Variants in DCAF6 observed in about 807,000 individuals in gnomAD.
DCAF6 encodes DDB1- and CUL4-associated factor 6.
Under a neutral mutation model 125.1 loss-of-function variants are expected in DCAF6, and 54 were observed. The ratio of observed to expected loss-of-function variants is 0.43; its 90% CI spans 0.35 to 0.54. The LOEUF (loss-of-function observed/expected upper bound fraction) is 0.54. DCAF6 is among the 20% of genes least tolerant of loss of function. DCAF6 has a pLI of 0.01. For missense variants in DCAF6, 934 were observed against 1,161.7 expected (o/e 0.80, Z 2.85); for synonymous variants, 371 against 390.4 (o/e 0.95, Z 0.58).
the DCAF6 span, among the ~76,000 whole-genome samples, chr1:167,863,900 C>T: frequency 1.3e-5 from 2 of 152,224 alleles, no homozygotes; most frequent in East Asian, 1.9e-4. Context: ...TGATCACCCA[C>T]GGCGTGCCTT....
chr1:167,918,498 G>C, the DCAF6 span: 2 of 484,210 alleles, frequency 4.1e-6, no homozygotes, highest in Non-Finnish European at 7.1e-6. Flanking sequence ...TCTTCCCGGA[G>C]GGCTTACAGG....
intron 2 of DCAF6, among the ~76,000 whole-genome samples, chr1:167,964,021 C>T (rs779883136): frequency 2.0e-5 from 3 of 152,144 alleles, no homozygotes; most frequent in Non-Finnish European, 4.4e-5. Context: ...TAGATATAAG[C>T]ATAGATGATC....
chr1:168,071,328 G>A (rs547923843), intron 21 of DCAF6, among the ~76,000 whole-genome samples: 59 of 152,330 alleles, frequency 3.9e-4, no homozygotes, highest in Non-Finnish European at 7.2e-4. Flanking sequence ...ACAGAGCCAG[G>A]TACAGTGGCT....
chr1:167,944,654 A>AT (rs1378520688), intron 1 of DCAF6, among the ~76,000 whole-genome samples: 2 of 150,806 alleles, frequency 1.3e-5, no homozygotes, highest in Non-Finnish European at 2.9e-5. Context: ...GGATTGTTAG[A>AT]TTTTTTTGGT....
intron 3 of DCAF6, among the ~76,000 whole-genome samples, 182 bp from the exon 4 acceptor site, chr1:167,974,648 G>C (rs1463296794): frequency 6.6e-6 from 1 of 151,890 alleles, no homozygotes; most frequent in African/African-American, 2.4e-5. Context: ...CATCTCACAG[G>C]GAACAAAAGA....
the DCAF6 span, among the ~76,000 whole-genome samples, chr1:167,885,122 A>AT: frequency 5.6e-4 from 76 of 135,698 alleles, no homozygotes; most frequent in Non-Finnish European, 1.1e-3. Context: ...GACAGATCTC[A>AT]TTTTTTTTAT....
At chr1:167,990,148 C>T (rs1446848094) in intron 5 of DCAF6, among the ~76,000 whole-genome samples, 2 of 151,990 alleles carry the variant, frequency 1.3e-5, no homozygotes, top group South Asian at 4.2e-4. Context: ...GCAGTGATTA[C>T]AATTAAAATA....
chr1:167,901,642 A>G, the DCAF6 span: 2 of 1,613,350 alleles, frequency 1.2e-6, no homozygotes, highest in South Asian at 1.1e-5. Flanking sequence ...CGTAGGATTT[A>G]TTCCTTCTCA....
chr1:168,017,777 G>A (rs948295989), intron 11 of DCAF6, among the ~76,000 whole-genome samples: 1 of 151,984 alleles, frequency 6.6e-6, no homozygotes, highest in African/African-American at 2.4e-5. Flanking sequence ...CATACAGAAA[G>A]CACCAAAATT....
upstream of DCAF6, among the ~76,000 whole-genome samples, chr1:167,931,922 A>G (rs1670923360): frequency 6.6e-6 from 1 of 152,210 alleles, no homozygotes; most frequent in African/African-American, 2.4e-5. Flanking sequence ...GGAAAAATGC[A>G]AATATTATTC....
intron 10 of DCAF6, among the ~76,000 whole-genome samples, chr1:168,008,016 G>C (rs568054368): frequency 1.5e-5 from 2 of 137,422 alleles, no homozygotes; most frequent in Non-Finnish European, 3.0e-5. Context: ...TGTCACCCAG[G>C]CTGGAGTGCA....
At chr1:168,000,955 A>G (rs1192048272) in intron 7 of DCAF6, among the ~76,000 whole-genome samples, 2 of 152,164 alleles carry the variant, frequency 1.3e-5, no homozygotes, top group East Asian at 1.9e-4. Flanking sequence ...ACTGAATTGT[A>G]TAATTTAAAA....
upstream of DCAF6, among the ~76,000 whole-genome samples, chr1:167,934,641 G>C (rs1380215767): frequency 6.6e-6 from 1 of 152,192 alleles, no homozygotes; most frequent in Non-Finnish European, 1.5e-5. Context: ...AGACTCCAGA[G>C]AGCTGGTTCA....
At chr1:168,033,089 G>T (rs146521475) in intron 12 of DCAF6, among the ~76,000 whole-genome samples, 2 of 151,352 alleles carry the variant, frequency 1.3e-5, no homozygotes, top group African/African-American at 2.4e-5. Context: ...TTATAATTTC[G>T]TAGTGGAAAT....
chr1:167,961,325 C>T (rs1297358493), intron 2 of DCAF6, among the ~76,000 whole-genome samples: 1 of 152,146 alleles, frequency 6.6e-6, no homozygotes. Context: ...TCAATGCAAG[C>T]TCCGCCTCCC....
At chr1:167,968,396 A>G (rs973692957) in intron 3 of DCAF6, 1 of 152,382 alleles carries the variant, frequency 6.6e-6, no homozygotes, top group Admixed American at 6.5e-5. Flanking sequence ...AGAGGGTGTC[A>G]TGGCTCACTG....
chr1:168,002,983 A>G (rs1682848804), intron 8 of DCAF6, among the ~76,000 whole-genome samples: 1 of 152,194 alleles, frequency 6.6e-6, no homozygotes, highest in Non-Finnish European at 1.5e-5. Flanking sequence ...TGATAAGCAT[A>G]AGAATCAACC....
At chr1:167,869,370 C>T in the DCAF6 span, among the ~76,000 whole-genome samples, 1 of 152,050 alleles carries the variant, frequency 6.6e-6, no homozygotes, top group Non-Finnish European at 1.5e-5. Context: ...GCATAAGTGG[C>T]AAAAATAAGA....
At chr1:167,870,638 C>CAAAAAAAAA in the DCAF6 span, among the ~76,000 whole-genome samples, 5 of 93,694 alleles carry the variant, frequency 5.3e-5, no homozygotes, top group Non-Finnish European at 6.1e-5. Context: ...ACTGAAAATA[C>CAAAAAAAAA]AAAAAAAAAA....
Sources: gnomAD v4.1 joint callset for allele counts (sites outside exome capture counted in the v4.1 genomes callset) on GRCh38, gnomAD v4.1.1 for gene constraint, MANE v1.5 for transcripts, NCBI Gene and HGNC (gene_info 2026-07-23, HGNC 2026-07-21) for gene names.